Variants in GSE1 observed in about 807,000 individuals in gnomAD.
The protein encoded by GSE1 is genetic suppressor element 1.
Under a neutral mutation model 112.6 loss-of-function variants are expected in GSE1, and 32 were observed. The ratio of observed to expected loss-of-function variants is 0.28; its 90% CI spans 0.21 to 0.38. GSE1 has a LOEUF of 0.38. GSE1 is among the 10% of genes least tolerant of loss of function. The pLI, the probability that GSE1 is intolerant of heterozygous loss-of-function variation, is 1.00. For missense variants in GSE1, 2,348 were observed against 1,699.2 expected, an observed-to-expected ratio of 1.38 and a Z score of -6.71; for synonymous variants, 1,115 against 735.6, an observed-to-expected ratio of 1.52 and a Z score of -8.35.
rs147190471 is a variant in GSE1 at position 85,415,066 on chromosome 16, T to C, written c.2464+57423T>C. 9.8e-5 allele frequency among the ~76,000 whole-genome samples: 15 copies of C among 152,350 alleles called. No individual in the cohort carries two copies. The East Asian group carries it at 2.7e-3, about 27-fold the overall frequency. On this transcript the variant is annotated intron_variant, in intron 2 of 2. Coordinates refer to the GSE1 transcript ENST00000637419. Reference sequence around the variant, plus strand: ...GTCAAGCTATCCTCTTGCCTCAGCCTCCTGACTAGCTGGGACCTTGGGTGT... The same window carrying C: ...GTCAAGCTATCCTCTTGCCTCAGCCCCCTGACTAGCTGGGACCTTGGGTGT...
At chr16:85,515,203 TCA>T (rs1056016836) in intron 2 of GSE1, among the ~76,000 whole-genome samples, 3 of 152,150 alleles carry the variant, frequency 2.0e-5, no homozygotes, top group Non-Finnish European at 1.5e-5. Context: ...CTTTCTGAAA[TCA>T]CAGTTTCCAT....
At chr16:85,574,966 G>GGCCGGGCAGCCCCCTTGCCCT (rs2046161628) in intron 1 of GSE1, among the ~76,000 whole-genome samples, 1 of 152,306 alleles carries the variant, frequency 6.6e-6, no homozygotes, top group East Asian at 1.9e-4. Flanking sequence ...CTCCCGACAA[G>GGCCGGGCAGCCCCCTTGCCCT]GCCGGGCAGC....
In GSE1 at chr16:85,655,775, A is replaced by ATCCCCCCCCCCCGCCCCCC; in HGVS notation, c.852_853insCCCCCCCGCCCCCCTCCCC (p.Thr285ProfsTer72). 6.4e-7 allele frequency: 1 copy of ATCCCCCCCCCCCGCCCCCC among 1,567,902 alleles called. No homozygotes were observed. The highest frequency in any genetic ancestry group is 1.7e-5 in the Admixed American group (1 of 58,684). On this transcript the variant is annotated frameshift_variant, in exon 6 of 16. Coordinates refer to ENST00000253458, the MANE Select transcript of GSE1 (RefSeq NM_014615.5). LOFTEE classifies it high-confidence loss of function. ...TGCCCTGAGGTCCCCGTTCTACCCC[A>ATCCCCCCCCCCCGCCCCCC]TCCCCACCCCCGGCTCCCTGCCCCC...
chr16:85,342,453 C>T (rs989201002), intron 1 of GSE1, among the ~76,000 whole-genome samples: 2 of 152,132 alleles, frequency 1.3e-5, no homozygotes, highest in African/African-American at 4.8e-5. Context: ...GGCTCTGCTC[C>T]TTCAGTCATT....
At chr16:85,574,596 G>C (rs1372435753) in intron 1 of GSE1, among the ~76,000 whole-genome samples, 1 of 152,198 alleles carries the variant, frequency 6.6e-6, no homozygotes, top group South Asian at 2.1e-4. Flanking sequence ...CTGGGCCTAG[G>C]TCATTCCTTT....
At chr16:85,586,641 GC>G in intron 1 of GSE1, among the ~76,000 whole-genome samples, 1 of 151,940 alleles carries the variant, frequency 6.6e-6, no homozygotes. Context: ...CGGCCCCCGC[GC>G]CCCCCCGACT....
At chr16:85,198,968 G>C (rs904611238) in intron 1 of GSE1, among the ~76,000 whole-genome samples, 4 of 150,378 alleles carry the variant, frequency 2.7e-5, no homozygotes, top group African/African-American at 9.8e-5. Flanking sequence ...TTTGGGAGAC[G>C]GAGTCTCGCT....
chr16:85,347,497 G>A (rs979832815), intron 1 of GSE1, among the ~76,000 whole-genome samples: 2 of 152,160 alleles, frequency 1.3e-5, no homozygotes. Context: ...AGCTGCCTCC[G>A]AGCCTGAGTG....
chr16:85,217,950 G>C (rs930588570), intron 1 of GSE1, among the ~76,000 whole-genome samples: 1 of 152,038 alleles, frequency 6.6e-6, no homozygotes, highest in South Asian at 2.1e-4. Flanking sequence ...TACGACGCTG[G>C]AGTGCAGTGG....
chr16:85,565,075 G>A (rs1017774746), intron 1 of GSE1, among the ~76,000 whole-genome samples: 7 of 152,056 alleles, frequency 4.6e-5, no homozygotes, highest in African/African-American at 1.7e-4. Context: ...TGTTGTCAGT[G>A]AGTGGGAACC....
chr16:85,579,064 T>C (rs2046345953), intron 1 of GSE1, among the ~76,000 whole-genome samples: 1 of 152,190 alleles, frequency 6.6e-6, no homozygotes, highest in South Asian at 2.1e-4. Flanking sequence ...ATCTTGGGAT[T>C]TAAGGTTCTT....
At chr16:85,662,078 T>C (rs1175410922) in intron 9 of GSE1, among the ~76,000 whole-genome samples, 2 of 152,134 alleles carry the variant, frequency 1.3e-5, no homozygotes, top group African/African-American at 4.8e-5. Context: ...ATAAGATAGT[T>C]TTAAATATTA....
intron 2 of GSE1, chr16:85,463,141 AC>A: frequency 1.0e-6 from 1 of 981,938 alleles, no homozygotes; most frequent in Non-Finnish European, 1.2e-6. Flanking sequence ...TGCCCAGCTC[AC>A]CGCCCCGTGG....
At chr16:85,534,318 C>T (rs937585220) in intron 2 of GSE1, among the ~76,000 whole-genome samples, 1 of 152,060 alleles carries the variant, frequency 6.6e-6, no homozygotes, top group Non-Finnish European at 1.5e-5. Context: ...GATGAGGTTT[C>T]ACCATGTTGG....
rs569136821 is a variant in GSE1 at position 85,580,806 on chromosome 16, G to A, written c.37+24443G>A. 1.8e-4 allele frequency among the ~76,000 whole-genome samples: 28 copies of A among 152,374 alleles called. 1 individual carries two copies. The South Asian group carries it at 5.2e-3, about 28-fold the overall frequency. On this transcript the variant is annotated intron_variant, in intron 1 of 2. Transcript: ENST00000635906. Reference sequence around the variant, plus strand: ...AGACCCCAGAGAGTGCGCTGTCTCCGTCACGTGAGCTCTCGGCCAGAAGGC... The same window carrying A: ...AGACCCCAGAGAGTGCGCTGTCTCCATCACGTGAGCTCTCGGCCAGAAGGC...
chr16:85,638,800 T>A (rs1223979567), intron 2 of GSE1, among the ~76,000 whole-genome samples: 3 of 136,584 alleles, frequency 2.2e-5, no homozygotes, highest in African/African-American at 8.0e-5. Context: ...GTGACCCCCA[T>A]CATCTGCCCT....
At chr16:85,303,547 C>G (rs1168813698) in intron 1 of GSE1, among the ~76,000 whole-genome samples, 1 of 152,250 alleles carries the variant, frequency 6.6e-6, no homozygotes, top group Non-Finnish European at 1.5e-5. Context: ...TTGGACCTTC[C>G]CGACAACTGA....
Position 85,512,416 on chromosome 16 carries a change from C to T in GSE1, c.2465-121498C>T, listed in dbSNP as rs184002785. 2.9e-4 allele frequency among the ~76,000 whole-genome samples: 44 copies of T among 152,312 alleles called. 1 individual carries two copies. The highest frequency in any genetic ancestry group is 4.1e-4 in the African/African-American group (17 of 41,562). ...GGACTCCACACTCGCCGTGCTTCTG[C>T]GAGCCAGGACAGCCTGTGCTACTCC... On this transcript the variant is annotated intron_variant, in intron 2 of 2. Transcript: ENST00000637419.
chr16:85,579,303 C>G (rs937055669), intron 1 of GSE1, among the ~76,000 whole-genome samples: 1 of 152,184 alleles, frequency 6.6e-6, no homozygotes, highest in Admixed American at 6.5e-5. Flanking sequence ...TTTCCAAAAA[C>G]TAACCCACCC....
Sources: gnomAD v4.1 joint callset for allele counts (sites outside exome capture counted in the v4.1 genomes callset) on GRCh38, gnomAD v4.1.1 for gene constraint, MANE v1.5 for transcripts, NCBI Gene and HGNC (gene_info 2026-07-23, HGNC 2026-07-21) for gene names.